Variants in CAMTA1 observed in about 807,000 individuals in gnomAD.
CAMTA1 encodes the protein calmodulin binding transcription activator 1, also known as calmodulin-binding transcription activator 1.
CAMTA1 carries 27 observed loss-of-function variants against 170.9 expected under a neutral mutation model. That is an observed-to-expected ratio of 0.16 (90% CI 0.12 to 0.22). CAMTA1 has a LOEUF of 0.22. CAMTA1 is among the 10% of genes least tolerant of loss of function. The pLI is 1.00. For missense variants in CAMTA1, 1,619 were observed against 2,217.2 expected (o/e 0.73, Z 5.42); for synonymous variants, 833 against 891.5 (o/e 0.93, Z 1.17).
chr1:7,276,278 CATATATAT>C (rs1210333666), intron 5 of CAMTA1, among the ~76,000 whole-genome samples: 2 of 58,556 alleles, frequency 3.4e-5, no homozygotes, highest in Non-Finnish European at 5.3e-5. Flanking sequence ...TACACCTGAT[CATATATAT>C]ATATATATAT....
At chr1:6,788,332 G>C (rs1033354555) in intron 1 of CAMTA1, among the ~76,000 whole-genome samples, 5 of 152,160 alleles carry the variant, frequency 3.3e-5, no homozygotes, top group African/African-American at 1.2e-4. Context: ...AACTGTTCTA[G>C]CTCAGAGGCT....
chr1:6,875,475 A>G (rs1056874039), intron 3 of CAMTA1, among the ~76,000 whole-genome samples: 1 of 152,004 alleles, frequency 6.6e-6, no homozygotes, highest in Admixed American at 6.6e-5. Flanking sequence ...AGTAGAAACG[A>G]GGTTTCACCA....
intron 6 of CAMTA1, among the ~76,000 whole-genome samples, chr1:7,557,424 G>A (rs17031113): frequency 0.21 from 32,222 of 152,110 alleles, 3,542 homozygotes; most frequent in East Asian, 0.44. Context: ...CACTTCCTAG[G>A]CTGAACAGTG....
intron 6 of CAMTA1, among the ~76,000 whole-genome samples, chr1:7,589,366 G>C (rs995569516): frequency 6.6e-6 from 1 of 152,230 alleles, no homozygotes; most frequent in African/African-American, 2.4e-5. Flanking sequence ...ATTTGTTCAG[G>C]TGTTGAGGAG....
At chr1:7,005,740 G>C (rs1572380996) in intron 3 of CAMTA1, among the ~76,000 whole-genome samples, 1 of 152,228 alleles carries the variant, frequency 6.6e-6, no homozygotes, top group East Asian at 1.9e-4. Flanking sequence ...CTTCCTCGAG[G>C]GAGGGACCCC....
intron 6 of CAMTA1, among the ~76,000 whole-genome samples, chr1:7,563,438 G>C (rs575429248): frequency 1.3e-5 from 2 of 152,230 alleles, no homozygotes; most frequent in Non-Finnish European, 2.9e-5. Context: ...GGTGGGACCT[G>C]CTAGCAGCTC....
At chr1:7,079,864 C>T (rs1639787540) in intron 3 of CAMTA1, among the ~76,000 whole-genome samples, 1 of 152,146 alleles carries the variant, frequency 6.6e-6, no homozygotes, top group African/African-American at 2.4e-5. Flanking sequence ...AGAAATCATG[C>T]AAGCTAGAAG....
rs1245029800 is a variant in CAMTA1 at position 7,746,016 on chromosome 1, C to T, written c.4542C>T (p.Leu1514=). The T allele has an allele frequency of 1.2e-6, 2 of 1,614,070 alleles. No homozygotes were observed. The highest frequency in any genetic ancestry group is 1.7e-6 in the Non-Finnish European group (2 of 1,180,032). The change falls in exon 18 of 23, where the codon CTC becomes CTT. Residue 1514 remains leucine, a synonymous_variant. Transcript: ENST00000303635. ...SEKVENEFAQ[L]TLSDHEQREL... is the part of the protein sequence containing the mutation. ...AGGTAGAGAATGAGTTTGCTCAGCTCACTCTGTCTGATCATGAACAGAGAG... is the reference window on the plus strand; with the variant it reads ...AGGTAGAGAATGAGTTTGCTCAGCTTACTCTGTCTGATCATGAACAGAGAG...
chr1:7,457,887 C>T (rs67725975), intron 5 of CAMTA1, among the ~76,000 whole-genome samples: 19,235 of 152,186 alleles, frequency 0.13, 1,286 homozygotes, highest in Non-Finnish European at 0.14. Context: ...GCCCAAGGAT[C>T]CCCCTTCCGC....
intron 3 of CAMTA1, among the ~76,000 whole-genome samples, chr1:6,978,687 G>GAT (rs1004858128): frequency 2.6e-4 from 39 of 149,336 alleles, no homozygotes; most frequent in East Asian, 7.8e-4. Context: ...ATATATTATA[G>GAT]ATATATATAT....
chr1:7,233,556 C>T (rs887701049), intron 4 of CAMTA1, among the ~76,000 whole-genome samples: 2 of 152,130 alleles, frequency 1.3e-5, no homozygotes, highest in Non-Finnish European at 2.9e-5. Context: ...AGAAAAGTTG[C>T]TGTTTCTTGA....
At chr1:7,354,188 G>A (rs113255505) in intron 5 of CAMTA1, among the ~76,000 whole-genome samples, 6 of 142,626 alleles carry the variant, frequency 4.2e-5, no homozygotes, top group Admixed American at 1.4e-4. Context: ...TTGTTCTGTC[G>A]CCCAGGCTGG....
chr1:7,222,274 T>C (rs1437447588), intron 4 of CAMTA1, among the ~76,000 whole-genome samples: 1 of 152,096 alleles, frequency 6.6e-6, no homozygotes, highest in Non-Finnish European at 1.5e-5. Flanking sequence ...CTCGTCTGGG[T>C]GATGAGACAT....
intron 11 of CAMTA1, among the ~76,000 whole-genome samples, chr1:7,703,573 TTC>T (rs1234431178): frequency 2.0e-5 from 3 of 152,132 alleles, no homozygotes; most frequent in Non-Finnish European, 4.4e-5. Context: ...TTGGGGTTGT[TTC>T]TGTGTGCGTT....
intron 4 of CAMTA1, among the ~76,000 whole-genome samples, chr1:7,218,419 G>A (rs1220847194): frequency 6.6e-6 from 1 of 152,082 alleles, no homozygotes; most frequent in Non-Finnish European, 1.5e-5. Flanking sequence ...TAGTTCAAGA[G>A]CTCCCTCTTC....
At chr1:7,729,858 A>G (rs2149885317) in intron 11 of CAMTA1, among the ~76,000 whole-genome samples, 1 of 152,392 alleles carries the variant, frequency 6.6e-6, no homozygotes, top group South Asian at 2.1e-4. Flanking sequence ...CTCACATGGA[A>G]CCGTCGTACG....
intron 7 of CAMTA1, among the ~76,000 whole-genome samples, chr1:7,654,966 A>T (rs1478286296): frequency 6.7e-6 from 1 of 149,124 alleles, no homozygotes; most frequent in Non-Finnish European, 1.5e-5. Flanking sequence ...AAACACACCC[A>T]CCTATACACA....
At chr1:7,477,095 G>A (rs750732744) in intron 6 of CAMTA1, among the ~76,000 whole-genome samples, 13 of 152,168 alleles carry the variant, frequency 8.5e-5, no homozygotes, top group Non-Finnish European at 1.3e-4. Flanking sequence ...GGGCTCCAGC[G>A]GTGCCCCAGG....
intron 4 of CAMTA1, among the ~76,000 whole-genome samples, chr1:7,194,456 A>G (rs1655140796): frequency 6.6e-6 from 1 of 152,212 alleles, no homozygotes; most frequent in Admixed American, 6.5e-5. Flanking sequence ...TGTTCTTTAA[A>G]TCATTGAACG....
Sources: gnomAD v4.1 joint callset for allele counts (sites outside exome capture counted in the v4.1 genomes callset) on GRCh38, gnomAD v4.1.1 for gene constraint, MANE v1.5 for transcripts, NCBI Gene and HGNC (gene_info 2026-07-23, HGNC 2026-07-21) for gene names.